Variants in PIK3C2G observed in about 807,000 individuals in gnomAD.
PIK3C2G encodes phosphatidylinositol 3-kinase C2 domain-containing subunit gamma.
A neutral mutation model predicts 181.1 loss-of-function variants in PIK3C2G; 168 were observed. The ratio of observed to expected loss-of-function variants is 0.93; its 90% CI spans 0.82 to 1.05. The LOEUF (loss-of-function observed/expected upper bound fraction) is 1.05. PIK3C2G is among the 50% of genes least tolerant of loss of function. The pLI is 0.00. For synonymous variants in PIK3C2G, 573 were observed against 592.2 expected, an observed-to-expected ratio of 0.97 and a Z score of 0.47; for missense variants, 1,869 against 1,732.8, an observed-to-expected ratio of 1.08 and a Z score of -1.40.
chr12:18,397,933 C>T (rs1943994019), intron 15 of PIK3C2G, among the ~76,000 whole-genome samples: 1 of 151,834 alleles, frequency 6.6e-6, no homozygotes, highest in African/African-American at 2.4e-5. Flanking sequence ...GAATAATATT[C>T]ATTAATTAAA....
the PIK3C2G span, among the ~76,000 whole-genome samples, chr12:18,682,035 C>A: frequency 7.2e-5 from 11 of 151,962 alleles, no homozygotes; most frequent in Non-Finnish European, 1.3e-4. Flanking sequence ...CATTATCTGG[C>A]AAAACAGAGG....
chr12:18,483,381 T>C (rs1939741269), intron 18 of PIK3C2G, among the ~76,000 whole-genome samples: 1 of 152,170 alleles, frequency 6.6e-6, no homozygotes, highest in Non-Finnish European at 1.5e-5. Context: ...AGATGGTACA[T>C]AGGCCTATTC....
At chr12:18,266,590 CATT>C (rs1948509801) in intron 1 of PIK3C2G, among the ~76,000 whole-genome samples, 1 of 152,080 alleles carries the variant, frequency 6.6e-6, no homozygotes, top group Admixed American at 6.6e-5. Flanking sequence ...GCATGTTACT[CATT>C]AGAAGTGCAC....
At chr12:18,704,947 T>C in the PIK3C2G span, among the ~76,000 whole-genome samples, 12 of 152,158 alleles carry the variant, frequency 7.9e-5, no homozygotes, top group East Asian at 9.7e-4. Flanking sequence ...ACAATCAAAA[T>C]GTGGGTTGTA....
chr12:18,342,248 ATACTC>A (rs1419018844), intron 9 of PIK3C2G, among the ~76,000 whole-genome samples: 1 of 152,120 alleles, frequency 6.6e-6, no homozygotes, highest in East Asian at 1.9e-4. Context: ...AACTGATACT[ATACTC>A]TAATGAAATA....
intron 18 of PIK3C2G, among the ~76,000 whole-genome samples, chr12:18,435,231 ACTTATTT>A (rs1946385158): frequency 6.6e-6 from 1 of 152,140 alleles, no homozygotes; most frequent in African/African-American, 2.4e-5. Context: ...ATCTTTATTT[ACTTATTT>A]CTTAAGTCTT....
chr12:18,580,299 TCTTCTCAGTA>T (rs752200421), intron 29 of PIK3C2G, among the ~76,000 whole-genome samples: 16 of 152,242 alleles, frequency 1.1e-4, no homozygotes, highest in Admixed American at 2.0e-4. Context: ...GAGCTTTAGC[TCTTCTCAGTA>T]CTGTTGTTCA....
intron 1 of PIK3C2G, among the ~76,000 whole-genome samples, chr12:18,253,464 T>A (rs1948114520): frequency 6.6e-6 from 1 of 152,072 alleles, no homozygotes; most frequent in South Asian, 2.1e-4. Flanking sequence ...GAGTAAAACG[T>A]GTGTGTGTAT....
chr12:18,472,010 G>C (rs1241923043), intron 18 of PIK3C2G, among the ~76,000 whole-genome samples: 1 of 152,142 alleles, frequency 6.6e-6, no homozygotes, highest in Non-Finnish European at 1.5e-5. Flanking sequence ...TAGGCTGTGA[G>C]AAATTTGGTT....
chr12:18,270,069 C>T (rs1476464685), intron 1 of PIK3C2G, among the ~76,000 whole-genome samples: 1 of 151,526 alleles, frequency 6.6e-6, no homozygotes, highest in East Asian at 1.9e-4. Flanking sequence ...GCCACCACGC[C>T]CGGCTAATTT....
At chr12:18,378,906 A>G (rs987394154) in intron 13 of PIK3C2G, among the ~76,000 whole-genome samples, 1 of 152,318 alleles carries the variant, frequency 6.6e-6, no homozygotes, top group African/African-American at 2.4e-5. Context: ...ACACTTTTAC[A>G]CTGTTGGTGG....
chr12:18,471,684 A>G (rs1938474145), intron 18 of PIK3C2G, among the ~76,000 whole-genome samples: 1 of 152,138 alleles, frequency 6.6e-6, no homozygotes, highest in South Asian at 2.1e-4. Context: ...ATTCTGAACA[A>G]TGGTAATTTC....
Position 18,538,214 on chromosome 12 carries a change from A to G in PIK3C2G, c.3382A>G (p.Lys1128Glu). 1 of 1,607,634 alleles carries G rather than the reference A, an allele frequency of 6.2e-7. No individual in the cohort carries two copies. Among genetic ancestry groups the G allele is most frequent in the Non-Finnish European group, 8.5e-7 (1 of 1,174,408 alleles). The change falls in exon 25 of 33, where the codon AAA becomes GAA. Residue 1128 changes from lysine (K) to glutamate (E), a missense_variant. Lys to Glu is a moderately conservative substitution (Grantham distance 56, BLOSUM62 1). Coordinates refer to ENST00000538779, the MANE Select transcript of PIK3C2G (RefSeq NM_001288772.2). ...GGAATACTTTATTACAGAGGGTGGG[A>G]AAAACCCACAGCATTTTCAAGATTT... ...EMEYFITEGGKNPQHFQDFVE... is the reference protein window; with the variant it reads ...EMEYFITEGGENPQHFQDFVE...
chr12:18,718,815 G>A, the PIK3C2G span, among the ~76,000 whole-genome samples: 3 of 152,254 alleles, frequency 2.0e-5, no homozygotes, highest in Admixed American at 1.3e-4. Flanking sequence ...GATAAATGTA[G>A]CAGCTTTGAA....
chr12:18,599,743 G>A (rs910164601), intron 30 of PIK3C2G, among the ~76,000 whole-genome samples: 5 of 151,426 alleles, frequency 3.3e-5, no homozygotes, highest in Non-Finnish European at 7.4e-5. Flanking sequence ...GTGAAAGGTT[G>A]AAAATTAAAA....
chr12:18,295,900 T>TA (rs1269968373), intron 5 of PIK3C2G, among the ~76,000 whole-genome samples: 3 of 152,012 alleles, frequency 2.0e-5, no homozygotes, highest in Non-Finnish European at 4.4e-5. Context: ...GTAACTTGTC[T>TA]AAAAAATATG....
chr12:18,696,705 C>G, the PIK3C2G span, among the ~76,000 whole-genome samples: 1 of 151,990 alleles, frequency 6.6e-6, no homozygotes, highest in Admixed American at 6.6e-5. Context: ...TCACACAAAG[C>G]TATACGATTC....
chr12:18,517,552 G>C (rs547360306), intron 24 of PIK3C2G, among the ~76,000 whole-genome samples: 1 of 152,146 alleles, frequency 6.6e-6, no homozygotes, highest in Admixed American at 6.6e-5. Context: ...TTGAAGTATA[G>C]GAGTGCCTGT....
intron 29 of PIK3C2G, among the ~76,000 whole-genome samples, chr12:18,586,748 G>A (rs1432044290): frequency 1.3e-5 from 2 of 152,034 alleles, no homozygotes; most frequent in African/African-American, 4.8e-5. Context: ...CCAAAGCCTG[G>A]CAGAGACACA....
Sources: allele counts gnomAD v4.1 joint callset (sites outside exome capture counted in the v4.1 genomes callset), GRCh38; gene constraint gnomAD v4.1.1; transcripts MANE v1.5; gene names NCBI Gene and HGNC (gene_info 2026-07-23, HGNC 2026-07-21).